NBAS: variants seen among roughly 807,000 people sequenced by gnomAD.
NBAS encodes NAG/BC035112 fusion.
A neutral mutation model predicts 302.5 loss-of-function variants in NBAS; 219 were observed. The observed-to-expected ratio is 0.72, with a 90% CI of 0.65 to 0.81. The LOEUF (loss-of-function observed/expected upper bound fraction) is 0.81. Ranked by LOEUF, NBAS falls within the 30% of genes least tolerant of loss-of-function variation. The pLI is 0.00. For missense variants in NBAS, 2,932 were observed against 2,841.6 expected, an observed-to-expected ratio of 1.03 and a Z score of -0.72; for synonymous variants, 1,118 against 1,021.6, an observed-to-expected ratio of 1.09 and a Z score of -1.80.
rs1215888152 is a variant in NBAS at position 15,223,282 on chromosome 2, C to T, written c.6237-4314G>A. On this transcript the variant is annotated intron_variant, in intron 47 of 51. Coordinates refer to ENST00000281513, the MANE Select transcript of NBAS (RefSeq NM_015909.4). Reference sequence around the variant, plus strand: ...GCATAGGGAAACAGAGAGGAAGAACCGTGATAAAATTTTAACAACTGGCAA... The same window carrying T: ...GCATAGGGAAACAGAGAGGAAGAACTGTGATAAAATTTTAACAACTGGCAA... 2.6e-5 allele frequency among the ~76,000 whole-genome samples: 4 copies of T among 151,852 alleles called. No homozygotes were observed. The South Asian group carries it at 8.3e-4, about 32-fold the overall frequency.
chr2:15,294,123 T>C (rs1482545611), intron 40 of NBAS, among the ~76,000 whole-genome samples: 2 of 152,182 alleles, frequency 1.3e-5, no homozygotes, highest in African/African-American at 2.4e-5. Flanking sequence ...ATACAGTCTA[T>C]TAGGACAGAC....
At chr2:15,312,529 G>C (rs934293567) in intron 38 of NBAS, among the ~76,000 whole-genome samples, 1 of 151,946 alleles carries the variant, frequency 6.6e-6, no homozygotes, top group East Asian at 1.9e-4. Flanking sequence ...CTCCTGCCTC[G>C]AATTCCCAAA....
the NBAS span, among the ~76,000 whole-genome samples, chr2:14,979,418 C>T: frequency 4.6e-5 from 7 of 152,114 alleles, no homozygotes; most frequent in African/African-American, 1.2e-4. Context: ...AAAACAACTA[C>T]GATTTATTAA....
intron 10 of NBAS, 58 bp from the exon 11 acceptor site, chr2:15,504,271 AT>A: frequency 1.5e-6 from 2 of 1,353,240 alleles, no homozygotes; most frequent in Non-Finnish European, 2.1e-6. Flanking sequence ...TCGTTGTAAA[AT>A]GTCCCTTTAT....
At chr2:15,520,574 T>C (rs1171698080) in intron 9 of NBAS, among the ~76,000 whole-genome samples, 1 of 151,852 alleles carries the variant, frequency 6.6e-6, no homozygotes. Flanking sequence ...CTGTGGGCCA[T>C]ATGGTCTCGC....
At chr2:15,115,894 C>T in the NBAS span, among the ~76,000 whole-genome samples, 1 of 152,212 alleles carries the variant, frequency 6.6e-6, no homozygotes, top group African/African-American at 2.4e-5. Flanking sequence ...TTGGTAAAAA[C>T]TGTTCTTTAG....
chr2:15,378,923 GATTT>G (rs1302195059), intron 30 of NBAS, among the ~76,000 whole-genome samples: 10 of 152,202 alleles, frequency 6.6e-5, no homozygotes, highest in Admixed American at 3.9e-4. Flanking sequence ...CCTTGATCTA[GATTT>G]ATTATGCTCT....
the NBAS span, among the ~76,000 whole-genome samples, chr2:15,099,021 T>C: frequency 2.0e-5 from 3 of 151,906 alleles, no homozygotes; most frequent in Non-Finnish European, 4.4e-5. Flanking sequence ...ATATCAAGAT[T>C]TTAGGTCGGG....
chr2:15,378,575 C>A (rs1202816403), intron 30 of NBAS, among the ~76,000 whole-genome samples: 1 of 152,164 alleles, frequency 6.6e-6, no homozygotes, highest in African/African-American at 2.4e-5. Context: ...GTTTAGCCTA[C>A]CTTAAAAGTG....
chr2:15,131,095 C>T, the NBAS span, among the ~76,000 whole-genome samples: 4,710 of 152,230 alleles, frequency 0.031, 137 homozygotes, highest in African/African-American at 0.073. Flanking sequence ...CATTCCTATA[C>T]GAGGTTCTTG....
chr2:15,030,231 C>G, the NBAS span, among the ~76,000 whole-genome samples: 2 of 151,872 alleles, frequency 1.3e-5, no homozygotes, highest in Admixed American at 1.3e-4. Context: ...GAGGGCCTAG[C>G]AATGAAAAAA....
chr2:14,963,891 A>G, the NBAS span, among the ~76,000 whole-genome samples: 1 of 152,202 alleles, frequency 6.6e-6, no homozygotes, highest in South Asian at 2.1e-4. Flanking sequence ...ACCCATTCCC[A>G]CCAGCCAGGC....
the NBAS span, among the ~76,000 whole-genome samples, chr2:14,995,432 G>GCC: frequency 6.6e-6 from 1 of 152,208 alleles, no homozygotes; most frequent in South Asian, 2.1e-4. Context: ...GTGAGAAGCA[G>GCC]CCATATGTGG....
the NBAS span, among the ~76,000 whole-genome samples, chr2:14,786,599 C>G: frequency 6.6e-6 from 1 of 152,102 alleles, no homozygotes; most frequent in African/African-American, 2.4e-5. Context: ...CATTCAGGAG[C>G]AGGTTGTTCA....
intron 44 of NBAS, among the ~76,000 whole-genome samples, chr2:15,247,105 G>A (rs1668126511): frequency 6.6e-6 from 1 of 152,150 alleles, no homozygotes. Context: ...AGGAGCAAGT[G>A]GGGCACCTAG....
intron 9 of NBAS, among the ~76,000 whole-genome samples, chr2:15,517,266 C>T (rs1437951276): frequency 4.6e-5 from 7 of 151,862 alleles, no homozygotes; most frequent in Non-Finnish European, 5.9e-5. Context: ...GCATAGTACT[C>T]GATAGGTAGT....
At chr2:15,097,404 A>C in the NBAS span, among the ~76,000 whole-genome samples, 4 of 152,200 alleles carry the variant, frequency 2.6e-5, no homozygotes, top group African/African-American at 9.6e-5. Flanking sequence ...AAGAATGATG[A>C]TTCTACACAA....
At chr2:15,060,337 C>G in the NBAS span, among the ~76,000 whole-genome samples, 2 of 152,186 alleles carry the variant, frequency 1.3e-5, no homozygotes, top group Non-Finnish European at 2.9e-5. Context: ...AGGACCACCA[C>G]CTGTGCATAA....
At chr2:15,249,443 T>A (rs571867248) in intron 44 of NBAS, among the ~76,000 whole-genome samples, 4 of 152,124 alleles carry the variant, frequency 2.6e-5, no homozygotes, top group Admixed American at 2.6e-4. Context: ...CTATTCAACA[T>A]AGTATTGGAA....
Sources: gnomAD v4.1 joint callset for allele counts (sites outside exome capture counted in the v4.1 genomes callset) on GRCh38, gnomAD v4.1.1 for gene constraint, MANE v1.5 for transcripts, NCBI Gene and HGNC (gene_info 2026-07-23, HGNC 2026-07-21) for gene names.